Variants in GNPTAB observed in about 807,000 individuals in gnomAD.
GNPTAB encodes N-acetylglucosamine-1-phosphotransferase subunits alpha/beta.
In GNPTAB, 92 loss-of-function variants were observed where a neutral mutation model predicts 136.6. That is an observed-to-expected ratio of 0.67 (90% confidence interval 0.57 to 0.80). GNPTAB has a LOEUF of 0.80. Ranked by LOEUF, GNPTAB falls within the 30% of genes least tolerant of loss-of-function variation. The pLI is 0.00. For synonymous variants in GNPTAB, 512 were observed against 535.1 expected, an observed-to-expected ratio of 0.96 and a Z score of 0.60; for missense variants, 1,343 against 1,501.8, an observed-to-expected ratio of 0.89 and a Z score of 1.75.
At chr12:101,826,523 A>G (rs1273072099) in intron 1 of GNPTAB, among the ~76,000 whole-genome samples, 6 of 150,952 alleles carry the variant, frequency 4.0e-5, no homozygotes, top group African/African-American at 1.5e-4. Flanking sequence ...TTTTTTTTCA[A>G]AACAGACCAG....
chr12:101,788,429 T>A lies in GNPTAB; in HGVS notation c.365+119A>T, dbSNP rs921274554. The A allele has an allele frequency of 4.1e-6, 3 of 737,616 alleles. No homozygotes were observed. The African/African-American group carries it at 5.4e-5, about 13-fold the overall frequency. The allele number at this position is 737,616 out of a possible 1,614,324, so 45.7% of individuals were successfully genotyped here. ...TCTAATAGATGTACCTAATTTGGGG[T>A]CAAAAACTATATGGATAATAAACAC... is the stretch of plus-strand genomic sequence containing the variant. On this transcript the variant is annotated intron_variant, in intron 4 of 20. Coordinates refer to ENST00000299314, the MANE Select transcript of GNPTAB (RefSeq NM_024312.5).
chr12:101,826,807 G>A (rs1460887579), intron 1 of GNPTAB, among the ~76,000 whole-genome samples: 1 of 152,044 alleles, frequency 6.6e-6, no homozygotes, highest in Non-Finnish European at 1.5e-5. Flanking sequence ...AAGCTAAAAA[G>A]GATCTTAAGA....
rs571345838 is a variant in GNPTAB, at chr12:101,787,506, T to G, written c.365+1042A>C. Among the ~76,000 whole-genome samples, 936 of 152,284 alleles carry G rather than the reference T, an allele frequency of 6.1e-3. 6 individuals carry two copies. The highest frequency in any genetic ancestry group is 9.4e-3 in the Admixed American group (144 of 15,260). ...CTTTTCACTTTCCTCTCAATCTTTC[T>G]TCATGTTGCACCATTGCTTTTATTT... is the stretch of plus-strand genomic sequence containing the variant. On this transcript the variant is annotated intron_variant, in intron 4 of 20. Transcript: ENST00000299314.
chr12:101,812,779 G>A (rs1404593149), intron 1 of GNPTAB, among the ~76,000 whole-genome samples: 1 of 152,016 alleles, frequency 6.6e-6, no homozygotes, highest in Non-Finnish European at 1.5e-5. Flanking sequence ...CAAAAAGTCA[G>A]AGTTGTTCCT....
chr12:101,784,724 T>C (rs1868535027), intron 5 of GNPTAB, among the ~76,000 whole-genome samples: 1 of 151,272 alleles, frequency 6.6e-6, no homozygotes, highest in African/African-American at 2.4e-5. Flanking sequence ...AATTATTAGT[T>C]ATAGATGTAA....
At chr12:101,755,261 A>G (rs1952885036) in intron 18 of GNPTAB, among the ~76,000 whole-genome samples, 1 of 152,154 alleles carries the variant, frequency 6.6e-6, no homozygotes, top group South Asian at 2.1e-4. Context: ...AAATAAATAT[A>G]AATCACTTGT....
chr12:101,762,740 T>G (rs1052681676), intron 13 of GNPTAB, among the ~76,000 whole-genome samples: 5 of 152,144 alleles, frequency 3.3e-5, no homozygotes, highest in African/African-American at 1.2e-4. Flanking sequence ...CATATAGGTA[T>G]GTTTGCATAG....
At position 101,830,775 on chromosome 12, in the gene GNPTAB, C is replaced by A. The variant is rs1184697351; in HGVS notation, c.-100G>T. 5.9e-5 allele frequency: 36 copies of A among 609,650 alleles called. No individual in the cohort carries two copies. Among genetic ancestry groups the A allele is most frequent in the African/African-American group, 9.9e-5 (5 of 50,362 alleles). The allele number at this position is 609,650 out of a possible 1,614,324, so 37.8% of individuals were successfully genotyped here. On this transcript the variant is annotated 5_prime_UTR_variant, in exon 1 of 21. Coordinates refer to ENST00000299314, the MANE Select transcript of GNPTAB (RefSeq NM_024312.5). ...CATTCAGGGGCCCCGGTCGGGCCGC[C>A]GCGCGCAGGTCACAGCCTCCGGGCG...
intron 1 of GNPTAB, among the ~76,000 whole-genome samples, chr12:101,799,948 A>C (rs528416909): frequency 1.3e-5 from 2 of 152,238 alleles, no homozygotes; most frequent in African/African-American, 4.8e-5. Flanking sequence ...CCAACGTTGT[A>C]GAAGAGAACC....
At chr12:101,780,063 CT>C in intron 7 of GNPTAB, 88 bp downstream of exon 7, 1 of 1,312,252 alleles carries the variant, frequency 7.6e-7, no homozygotes, top group African/African-American at 1.4e-5. Context: ...ATCAGCTAAA[CT>C]TTGGGGGAAA....
rs539275893 is a variant in GNPTAB, at chr12:101,761,152, A to G, written c.3110T>C (p.Ile1037Thr). ...CTGCAAACTTAACGGCAGTTCGTGA[A>G]TTCTGGTAGCCAGTGTTCGGATTTC... ...DREIRTLATR[I>T]HELPLSLQDL... The change falls in exon 15 of 21, where the codon ATT (isoleucine) becomes ACT (threonine). Residue 1037 changes from isoleucine to threonine, a missense_variant. Physicochemically the swap from Ile to Thr is moderately conservative, Grantham distance 89. Transcript: ENST00000299314. 1.3e-5 allele frequency: 21 copies of G among 1,613,850 alleles called. No individual in the cohort carries two copies. In the East Asian group the frequency reaches 2.5e-4, roughly 19 times the overall value.
Position 101,830,638 on chromosome 12 carries a change from C to T in GNPTAB, c.38G>A (p.Cys13Tyr). 6.2e-7 allele frequency: 1 copy of T among 1,611,996 alleles called. No individual in the cohort carries two copies. Among genetic ancestry groups the T allele is most frequent in the South Asian group, 1.1e-5 (1 of 91,020 alleles). Reference protein sequence around the residue: ...FKLLQRQTYTCLSHRYGLYVC... With the variant: ...FKLLQRQTYTYLSHRYGLYVC... ...GTAGAGCCCATACCTGTGGGACAGG[C>T]AGGTATAGGTCTGTCTCTGCAGGAG... is the stretch of plus-strand genomic sequence containing the variant. The change falls in exon 1 of 21, where the codon TGC becomes TAC. Residue 13 changes from cysteine (C) to tyrosine (Y), a missense_variant. Cys to Tyr is a radical substitution (Grantham distance 194). Transcript: ENST00000299314.
In GNPTAB at chr12:101,749,085, AAT is replaced by A. The variant is rs765063619; in HGVS notation, c.3693+14_3693+15del. 13 of 1,400,612 alleles carry A rather than the reference AAT, an allele frequency of 9.3e-6. No individual in the cohort carries two copies. The highest frequency in any genetic ancestry group is 2.3e-5 in the South Asian group (2 of 86,800). The allele number at this position is 1,400,612 out of a possible 1,614,324, so 86.8% of individuals were successfully genotyped here. A position where few individuals can be genotyped will look rare whatever the true frequency, so the allele number is the denominator to read the frequency against. ...GAAATACCATTTAATACCCACATAA[AAT>A]ATATAAAACTTACCTGCTCAGCAAA... On this transcript the variant is annotated intron_variant, in intron 20 of 20. Coordinates refer to ENST00000299314, the MANE Select transcript of GNPTAB (RefSeq NM_024312.5).
chr12:101,765,660 T>C lies in GNPTAB; in HGVS notation c.1613-356A>G, dbSNP rs151125774. 197 of 360,566 alleles carry C rather than the reference T, an allele frequency of 5.5e-4. No homozygotes were observed. The East Asian group carries it at 0.013, about 23-fold the overall frequency. The allele number at this position is 360,566 out of a possible 1,614,324, so 22.3% of individuals were successfully genotyped here. ...CCTGACTCACTATAGAGATATGGCA[T>C]GGTTCTTAACAATAAATTACAATAA... On this transcript the variant is annotated intron_variant, in intron 12 of 20. Coordinates refer to ENST00000299314, the MANE Select transcript of GNPTAB (RefSeq NM_024312.5).
At chr12:101,827,647 C>G (rs55700669) in intron 1 of GNPTAB, among the ~76,000 whole-genome samples, 28,620 of 152,080 alleles carry the variant, frequency 0.19, 2,918 homozygotes, top group East Asian at 0.25. Flanking sequence ...GAGGAGGAGA[C>G]GATAACAAAT....
chr12:101,764,494 A>G lies in GNPTAB; in HGVS notation c.2423T>C (p.Leu808Pro), dbSNP rs756069985. 1 of 1,613,840 alleles carries G rather than the reference A, an allele frequency of 6.2e-7. No individual in the cohort carries two copies. The highest frequency in any genetic ancestry group is 8.5e-7 in the Non-Finnish European group (1 of 1,179,990). Residue 808 changes from leucine (L) to proline (P), a missense_variant, in exon 13 of 21, where the codon CTG (leucine) becomes CCG (proline). Coordinates refer to ENST00000299314, the MANE Select transcript of GNPTAB (RefSeq NM_024312.5). The part of the protein sequence containing the change: ...NGHDQGQNPP[L>P]DLETTARFRV... ...AAATCTTGCTGTGGTCTCCAAGTCC[A>G]GGGGTGGATTCTGACCCTGGTCATG...
chr12:101,810,109 G>T (rs1870138014), intron 1 of GNPTAB, among the ~76,000 whole-genome samples: 1 of 151,904 alleles, frequency 6.6e-6, no homozygotes, highest in Admixed American at 6.6e-5. Context: ...ACAAAAAAAG[G>T]TGTAGTGTGT....
chr12:101,776,153 G>T (rs984286651), intron 7 of GNPTAB, among the ~76,000 whole-genome samples: 1 of 152,178 alleles, frequency 6.6e-6, no homozygotes, highest in Non-Finnish European at 1.5e-5. Flanking sequence ...AGGAAACTTA[G>T]CATGAGAATT....
intron 1 of GNPTAB, among the ~76,000 whole-genome samples, chr12:101,822,608 C>G (rs754982344): frequency 1.3e-5 from 2 of 152,098 alleles, no homozygotes; most frequent in Non-Finnish European, 2.9e-5. Flanking sequence ...AGAAGATGCC[C>G]ACTGTGGCCA....
Sources: allele counts gnomAD v4.1 joint callset (sites outside exome capture counted in the v4.1 genomes callset), GRCh38; gene constraint gnomAD v4.1.1; transcripts MANE v1.5; gene names NCBI Gene and HGNC (gene_info 2026-07-23, HGNC 2026-07-21).